Variants in CAMTA1 observed in about 807,000 individuals in gnomAD.
CAMTA1 encodes the protein calmodulin binding transcription activator 1, also known as calmodulin-binding transcription activator 1.
Under a neutral mutation model 170.9 loss-of-function variants are expected in CAMTA1, and 27 were observed. The ratio of observed to expected loss-of-function variants is 0.16; its 90% confidence interval spans 0.12 to 0.22. The LOEUF (loss-of-function observed/expected upper bound fraction) is 0.22, where lower values mean the gene tolerates loss of function less well. Ranked by LOEUF, CAMTA1 falls within the 10% of genes least tolerant of loss-of-function variation. CAMTA1 has a pLI of 1.00. For synonymous variants in CAMTA1, 833 were observed against 891.5 expected (o/e 0.93, Z 1.17); for missense variants, 1,619 against 2,217.2 (o/e 0.73, Z 5.42).
At chr1:6,921,764 A>G (rs1339331509) in intron 3 of CAMTA1, among the ~76,000 whole-genome samples, 2 of 152,164 alleles carry the variant, frequency 1.3e-5, no homozygotes, top group African/African-American at 4.8e-5. Context: ...TCCCCCTTAT[A>G]ATCCCGTCAG....
intron 6 of CAMTA1, among the ~76,000 whole-genome samples, chr1:7,480,425 G>A (rs1432434884): frequency 1.3e-5 from 2 of 151,800 alleles, no homozygotes; most frequent in East Asian, 3.9e-4. Flanking sequence ...GTGAGAGAGA[G>A]AGACAGAGAG....
intron 11 of CAMTA1, among the ~76,000 whole-genome samples, chr1:7,718,869 T>TTTTTA (rs1558212387): frequency 6.8e-6 from 1 of 147,746 alleles, no homozygotes; most frequent in Non-Finnish European, 1.5e-5. Flanking sequence ...TTTTTTTTTT[T>TTTTTA]AAAGACCTCA....
chr1:7,351,402 G>T (rs557480919), intron 5 of CAMTA1, among the ~76,000 whole-genome samples: 3 of 152,370 alleles, frequency 2.0e-5, no homozygotes, highest in South Asian at 4.1e-4. Context: ...GGCAGGTGAG[G>T]CTGCTCTGCT....
chr1:7,091,415 T>C, intron 4 of CAMTA1, 44 bp downstream of exon 4: 2 of 1,407,660 alleles, frequency 1.4e-6, no homozygotes, highest in Non-Finnish European at 2.0e-6. Flanking sequence ...GTACCATAAG[T>C]GGATTGATTT....
At position 7,473,709 on chromosome 1, in the gene CAMTA1, C is replaced by G. The variant is rs143800320; in HGVS notation, c.510+5808C>G. ...CTGAGGGCAACTGAGTCCCAGGCAC[C>G]CCCAGCCAACAGAGAAGAGAGTAGG... On this transcript the variant is annotated intron_variant, in intron 6 of 22. Transcript: ENST00000303635. 2.3e-3 allele frequency among the ~76,000 whole-genome samples: 354 copies of G among 152,340 alleles called. 1 individual carries two copies. The highest frequency in any genetic ancestry group is 8.1e-3 in the African/African-American group (338 of 41,576).
At chr1:7,090,734 G>A (rs1423045882) in intron 3 of CAMTA1, among the ~76,000 whole-genome samples, 3 of 151,980 alleles carry the variant, frequency 2.0e-5, no homozygotes, top group Non-Finnish European at 1.5e-5. Flanking sequence ...TGGATGTGCC[G>A]CTCACTAGAT....
chr1:7,639,127 C>T (rs1041544658), intron 6 of CAMTA1, among the ~76,000 whole-genome samples: 4 of 151,960 alleles, frequency 2.6e-5, no homozygotes. Flanking sequence ...TACAGGCGCC[C>T]GCCACCATGC....
chr1:7,259,417 G>A (rs1667856576), intron 5 of CAMTA1, among the ~76,000 whole-genome samples: 2 of 152,118 alleles, frequency 1.3e-5, no homozygotes, highest in African/African-American at 4.8e-5. Context: ...ATCACCCAGG[G>A]GGTATTAGAA....
chr1:7,552,974 C>G (rs1375572110), intron 6 of CAMTA1, among the ~76,000 whole-genome samples: 1 of 152,264 alleles, frequency 6.6e-6, no homozygotes, highest in East Asian at 1.9e-4. Flanking sequence ...CCCCAACAGC[C>G]GGTGAGGACA....
At chr1:7,135,257 G>A (rs901489511) in intron 4 of CAMTA1, among the ~76,000 whole-genome samples, 1 of 152,084 alleles carries the variant, frequency 6.6e-6, no homozygotes, top group Non-Finnish European at 1.5e-5. Context: ...GCGGGGTGGT[G>A]GGTGTCTGTA....
chr1:7,100,295 C>A (rs114895808), intron 4 of CAMTA1, among the ~76,000 whole-genome samples: 1,703 of 152,272 alleles, frequency 0.011, 41 homozygotes, highest in African/African-American at 0.039. Context: ...TTTGGCTTTT[C>A]CTTTGTGGAT....
intron 6 of CAMTA1, among the ~76,000 whole-genome samples, chr1:7,631,235 G>A (rs142804302): frequency 2.9e-4 from 44 of 152,244 alleles, no homozygotes; most frequent in African/African-American, 8.7e-4. Context: ...TGACCCAACC[G>A]GGCTCCCTGG....
chr1:7,499,653 ATG>A lies in CAMTA1; in HGVS notation c.510+31755_510+31756del, dbSNP rs1221978458. Among the ~76,000 whole-genome samples, 248 of 135,254 alleles carry A rather than the reference ATG, an allele frequency of 1.8e-3. 12 individuals are homozygous for A. The highest frequency in any genetic ancestry group is 6.6e-3 in the African/African-American group (232 of 35,282). The allele number at this position is 135,254 out of a possible 152,430, so 88.7% of individuals were successfully genotyped here. ...GTGAGCCTGGTGTGAGTGCATGTGT[ATG>A]TGAGTGTGTGCATGAGTGTGTGTGA... On this transcript the variant is annotated intron_variant, in intron 6 of 22. Coordinates refer to ENST00000303635, the MANE Select transcript of CAMTA1 (RefSeq NM_015215.4).
At chr1:7,568,155 C>A (rs7418805) in intron 6 of CAMTA1, among the ~76,000 whole-genome samples, 1 of 151,312 alleles carries the variant, frequency 6.6e-6, no homozygotes, top group African/African-American at 2.4e-5. Flanking sequence ...CATCATCATC[C>A]TTATCATCAC....
chr1:7,135,349 C>T (rs1263575744), intron 4 of CAMTA1, among the ~76,000 whole-genome samples: 1 of 152,122 alleles, frequency 6.6e-6, no homozygotes, highest in Non-Finnish European at 1.5e-5. Context: ...GATTGTGCCA[C>T]TGCACTCCAG....
chr1:7,174,025 T>C (rs1650225729), intron 4 of CAMTA1, among the ~76,000 whole-genome samples: 1 of 152,070 alleles, frequency 6.6e-6, no homozygotes, highest in Admixed American at 6.6e-5. Flanking sequence ...TTCCTTGTCA[T>C]TGTGACTGTC....
At chr1:7,698,113 C>T (rs934241386) in intron 11 of CAMTA1, among the ~76,000 whole-genome samples, 5 of 141,024 alleles carry the variant, frequency 3.5e-5, no homozygotes, top group Admixed American at 2.1e-4. Flanking sequence ...AGACCTGTCC[C>T]TTCAGCAGCA....
At chr1:6,839,508 TATAAG>T (rs1654800075) in intron 3 of CAMTA1, among the ~76,000 whole-genome samples, 1 of 152,180 alleles carries the variant, frequency 6.6e-6, no homozygotes, top group Admixed American at 6.5e-5. Flanking sequence ...TTGCTGAGGG[TATAAG>T]ATGAGGTTCC....
At chr1:7,327,540 A>G (rs966030970) in intron 5 of CAMTA1, among the ~76,000 whole-genome samples, 1 of 152,148 alleles carries the variant, frequency 6.6e-6, no homozygotes, top group Non-Finnish European at 1.5e-5. Context: ...CATGAGGAGA[A>G]GGTTTTTTTA....
Sources: allele counts gnomAD v4.1 joint callset (sites outside exome capture counted in the v4.1 genomes callset), GRCh38; gene constraint gnomAD v4.1.1; transcripts MANE v1.5; gene names NCBI Gene and HGNC (gene_info 2026-07-23, HGNC 2026-07-21).